RAB28: variants seen among roughly 807,000 people sequenced by gnomAD.
The protein encoded by RAB28 is RAB28, member RAS oncogene family, also known as ras-related protein Rab-28.
A neutral mutation model predicts 31.7 loss-of-function variants in RAB28; 24 were observed. That is an observed-to-expected ratio of 0.76 (90% CI 0.55 to 1.06). The LOEUF (loss-of-function observed/expected upper bound fraction) is 1.06. RAB28 is among the 50% of genes least tolerant of loss of function. The pLI is 0.00. For missense variants in RAB28, 254 were observed against 258.5 expected (o/e 0.98, Z 0.12); for synonymous variants, 100 against 90.4 (o/e 1.11, Z -0.60).
chr4:13,421,829 A>G (rs1357003709), intron 4 of RAB28, among the ~76,000 whole-genome samples: 1 of 152,216 alleles, frequency 6.6e-6, no homozygotes, highest in Non-Finnish European at 1.5e-5. Context: ...ACCATTCAGG[A>G]CACAGGCATG....
intron 4 of RAB28, among the ~76,000 whole-genome samples, chr4:13,418,237 G>A (rs1347418707): frequency 1.3e-5 from 2 of 152,324 alleles, no homozygotes; most frequent in South Asian, 2.1e-4. Flanking sequence ...AAGCCTCCAA[G>A]AAATATGGGA....
At chr4:13,409,242 A>C (rs1307261228) in intron 4 of RAB28, among the ~76,000 whole-genome samples, 1 of 152,200 alleles carries the variant, frequency 6.6e-6, no homozygotes, top group African/African-American at 2.4e-5. Flanking sequence ...AAAACAAGAC[A>C]CTGAAATCAA....
chr4:13,415,782 G>A (rs976540717), intron 4 of RAB28, among the ~76,000 whole-genome samples: 17 of 152,226 alleles, frequency 1.1e-4, no homozygotes, highest in Non-Finnish European at 1.9e-4. Flanking sequence ...CACGGCATGG[G>A]ACTGGCAGGC....
chr4:13,419,635 C>T (rs560773534), intron 4 of RAB28, among the ~76,000 whole-genome samples: 22 of 152,242 alleles, frequency 1.4e-4, no homozygotes, highest in African/African-American at 5.3e-4. Context: ...ACTGAACAAC[C>T]TGCTCCTGAA....
chr4:13,432,752 C>T (rs1713881567), intron 4 of RAB28, among the ~76,000 whole-genome samples: 1 of 152,046 alleles, frequency 6.6e-6, no homozygotes, highest in African/African-American at 2.4e-5. Flanking sequence ...CAATTCTTCA[C>T]CATGAGGCTG....
chr4:13,458,962 G>C (rs1715450172), intron 4 of RAB28, among the ~76,000 whole-genome samples: 1 of 152,194 alleles, frequency 6.6e-6, no homozygotes, highest in Non-Finnish European at 1.5e-5. Context: ...TGTTGCCAAA[G>C]GAGATTAACA....
chr4:13,373,432 G>T (rs932965271), intron 6 of RAB28, among the ~76,000 whole-genome samples: 1 of 152,098 alleles, frequency 6.6e-6, no homozygotes, highest in African/African-American at 2.4e-5. Context: ...GTGAAAAATG[G>T]ATCTATAGTG....
chr4:13,440,936 A>G (rs1328484704), intron 4 of RAB28, among the ~76,000 whole-genome samples: 1 of 152,102 alleles, frequency 6.6e-6, no homozygotes, highest in African/African-American at 2.4e-5. Context: ...AATGAAACCA[A>G]TCAATTAGGA....
intron 4 of RAB28, among the ~76,000 whole-genome samples, chr4:13,437,550 T>C (rs1330452433): frequency 2.0e-5 from 3 of 151,654 alleles, no homozygotes; most frequent in African/African-American, 7.3e-5. Flanking sequence ...ACTAATGACA[T>C]ACAACACTTC....
At chr4:13,387,097 A>T (rs549529085) in intron 4 of RAB28, among the ~76,000 whole-genome samples, 1 of 152,094 alleles carries the variant, frequency 6.6e-6, no homozygotes, top group South Asian at 2.1e-4. Context: ...CTACAAGAGG[A>T]TGGAGGGTGG....
At chr4:13,467,076 A>ATTTT (rs1341616962) in intron 3 of RAB28, among the ~76,000 whole-genome samples, 62 of 152,004 alleles carry the variant, frequency 4.1e-4, no homozygotes, top group African/African-American at 1.4e-3. Context: ...GGAGATATAA[A>ATTTT]GATTTTTTTT....
chr4:13,460,828 C>A lies in RAB28; in HGVS notation c.262G>T (p.Gly88Ter). Residue 88 changes from glycine (G) to a stop codon, truncating the protein, a stop_gained and splice_region_variant, in exon 4 of 7, where the codon GGA becomes TGA. Transcript: ENST00000330852. LOFTEE classifies it high-confidence loss of function. Reference protein sequence around the residue: ...MLDKYIYGAQGVLLVYDITNY... With the variant: ...MLDKYIYGAQ ...GTAATATCATATACCAAGAGGACTCCCTGTCACAAAAGAGTTACAAAATAT... is the reference window on the plus strand; with the variant it reads ...GTAATATCATATACCAAGAGGACTCACTGTCACAAAAGAGTTACAAAATAT... 1 of 1,609,048 alleles carries A rather than the reference C, an allele frequency of 6.2e-7. No homozygotes were observed. Among genetic ancestry groups the A allele is most frequent in the Non-Finnish European group, 8.5e-7 (1 of 1,177,508 alleles).
chr4:13,426,589 A>G (rs1263175935), intron 4 of RAB28, among the ~76,000 whole-genome samples: 2 of 152,144 alleles, frequency 1.3e-5, no homozygotes, highest in South Asian at 2.1e-4. Context: ...AACCTTCCTC[A>G]TATTTTTATG....
At chr4:13,430,665 T>C (rs1349973393) in intron 4 of RAB28, among the ~76,000 whole-genome samples, 2 of 152,120 alleles carry the variant, frequency 1.3e-5, no homozygotes, top group African/African-American at 4.8e-5. Context: ...CAACCCTGCC[T>C]AGCAATCTCC....
chr4:13,468,667 A>C (rs1424255928), intron 3 of RAB28, among the ~76,000 whole-genome samples: 3 of 151,940 alleles, frequency 2.0e-5, no homozygotes, highest in Middle Eastern at 3.2e-3. Context: ...CTAGAGGAAG[A>C]AGAGTAATTT....
chr4:13,471,584 C>G (rs1222525882), intron 3 of RAB28, among the ~76,000 whole-genome samples: 1 of 151,914 alleles, frequency 6.6e-6, no homozygotes, highest in Non-Finnish European at 1.5e-5. Flanking sequence ...TCACTCCAGC[C>G]CCAAACTCCT....
intron 1 of RAB28, among the ~76,000 whole-genome samples, chr4:13,480,061 T>C (rs536824347): frequency 1.3e-4 from 20 of 151,784 alleles, no homozygotes; most frequent in African/African-American, 4.8e-4. Context: ...AAAATGACCC[T>C]AAAGAAAGAC....
At chr4:13,422,160 A>G (rs1036338784) in intron 4 of RAB28, among the ~76,000 whole-genome samples, 1 of 152,224 alleles carries the variant, frequency 6.6e-6, no homozygotes, top group African/African-American at 2.4e-5. Flanking sequence ...AATGCTCATC[A>G]TCACTGGCCA....
Position 13,394,936 on chromosome 4 carries a change from G to A in RAB28, c.392-13342C>T, listed in dbSNP as rs137991773. Among the ~76,000 whole-genome samples, 1,395 of 152,264 alleles carry A rather than the reference G, an allele frequency of 9.2e-3. 10 individuals are homozygous for A. Among genetic ancestry groups the A allele is most frequent in the Non-Finnish European group, 0.015 (1,015 of 68,016 alleles). On this transcript the variant is annotated intron_variant, in intron 4 of 6. Coordinates refer to ENST00000330852, the MANE Select transcript of RAB28 (RefSeq NM_001017979.3). ...TTTGGGGCCTCATAACAACCTTGGC[G>A]AATAGGTAAGCATTATTCCAATTTC...
Sources: gnomAD v4.1 joint callset for allele counts (sites outside exome capture counted in the v4.1 genomes callset) on GRCh38, gnomAD v4.1.1 for gene constraint, MANE v1.5 for transcripts, NCBI Gene and HGNC (gene_info 2026-07-23, HGNC 2026-07-21) for gene names.